MAGI1: variants seen among roughly 807,000 people sequenced by gnomAD.
MAGI1 encodes membrane-associated guanylate kinase, WW and PDZ domain-containing protein 1.
A neutral mutation model predicts 139.9 loss-of-function variants in MAGI1; 58 were observed. That is an observed-to-expected ratio of 0.41 (90% CI 0.34 to 0.52). The LOEUF (loss-of-function observed/expected upper bound fraction) is 0.52. Ranked by LOEUF, MAGI1 falls within the 20% of genes least tolerant of loss-of-function variation. The pLI is 0.12. For missense variants in MAGI1, 1,874 were observed against 1,901.6 expected, an observed-to-expected ratio of 0.99 and a Z score of 0.27; for synonymous variants, 812 against 737.9, an observed-to-expected ratio of 1.10 and a Z score of -1.63.
chr3:66,013,336 G>C (rs1017614826), intron 1 of MAGI1, among the ~76,000 whole-genome samples: 1 of 149,640 alleles, frequency 6.7e-6, no homozygotes, highest in African/African-American at 2.5e-5. Context: ...CCAGGTGGCA[G>C]AGGTTGCAGT....
intron 2 of MAGI1, among the ~76,000 whole-genome samples, chr3:65,512,317 G>A: frequency 7.1e-6 from 1 of 139,900 alleles, no homozygotes; most frequent in Non-Finnish European, 1.5e-5. Flanking sequence ...GAGCAGAACT[G>A]AAGGAAATAG....
chr3:65,445,853 G>T (rs766803421), intron 7 of MAGI1, among the ~76,000 whole-genome samples: 1 of 152,176 alleles, frequency 6.6e-6, no homozygotes, highest in African/African-American at 2.4e-5. Flanking sequence ...ATTACAAAGA[G>T]GGTTTCCTTG....
At chr3:65,991,415 C>A (rs998344164) in intron 1 of MAGI1, among the ~76,000 whole-genome samples, 9 of 151,702 alleles carry the variant, frequency 5.9e-5, no homozygotes, top group Admixed American at 2.6e-4. Context: ...CCTCCAATAC[C>A]ATTTCTGAGT....
intron 6 of MAGI1, among the ~76,000 whole-genome samples, chr3:65,451,514 A>G (rs1231044605): frequency 2.6e-5 from 4 of 152,196 alleles, no homozygotes; most frequent in African/African-American, 7.2e-5. Context: ...CAGATTGGAG[A>G]TACTTGTGTA....
intron 1 of MAGI1, among the ~76,000 whole-genome samples, chr3:65,883,932 G>T (rs766962570): frequency 2.6e-5 from 4 of 151,992 alleles, no homozygotes; most frequent in Admixed American, 6.6e-5. Flanking sequence ...TAATTCCCCA[G>T]TCTACCAAAA....
chr3:65,950,078 CAAAAAAA>C lies in MAGI1; in HGVS notation c.313+87911_313+87917del, dbSNP rs751496271. Among the ~76,000 whole-genome samples the C allele has an allele frequency of 1.5e-3, 59 of 40,342 alleles. 1 individual carries two copies. Among genetic ancestry groups the C allele is most frequent in the African/African-American group, 3.9e-3 (24 of 6,116 alleles). The allele number at this position is 40,342 out of a possible 152,430, so 26.5% of individuals were successfully genotyped here. Reference sequence around the variant, plus strand: ...AAAAAACAAAAAAACAAAAAAAAAACAAAAAAAAAAACAAACAAAAAAAAAAAACAGA... The same window carrying C: ...AAAAAACAAAAAAACAAAAAAAAAACAAAACAAACAAAAAAAAAAAACAGA... On this transcript the variant is annotated intron_variant, in intron 1 of 22. Transcript: ENST00000402939.
intron 12 of MAGI1, among the ~76,000 whole-genome samples, chr3:65,428,380 T>C (rs1375549503): frequency 6.6e-6 from 1 of 152,120 alleles, no homozygotes; most frequent in Admixed American, 6.6e-5. Flanking sequence ...TGGAAAGTAT[T>C]GCTCAGTGTG....
chr3:65,870,645 G>T (rs550196735), intron 1 of MAGI1, among the ~76,000 whole-genome samples: 2 of 149,220 alleles, frequency 1.3e-5, no homozygotes, highest in Non-Finnish European at 3.0e-5. Context: ...AGGCAGGGTG[G>T]GGGGGGTAGG....
At chr3:65,542,813 G>A (rs1281499820) in intron 2 of MAGI1, among the ~76,000 whole-genome samples, 2 of 152,078 alleles carry the variant, frequency 1.3e-5, no homozygotes, top group African/African-American at 4.8e-5. Flanking sequence ...AGAAAACCTA[G>A]GCAATATCAT....
intron 13 of MAGI1, among the ~76,000 whole-genome samples, chr3:65,397,388 A>T (rs942809857): frequency 5.3e-5 from 8 of 152,010 alleles, no homozygotes; most frequent in African/African-American, 1.9e-4. Flanking sequence ...TGGAACAAAA[A>T]CCTATCACTG....
At chr3:65,515,763 T>C (rs1043917396) in intron 2 of MAGI1, among the ~76,000 whole-genome samples, 2 of 152,220 alleles carry the variant, frequency 1.3e-5, no homozygotes. Flanking sequence ...CACTTGTCAC[T>C]TCAGGCTTCA....
intron 2 of MAGI1, among the ~76,000 whole-genome samples, chr3:65,505,226 C>G (rs980805874): frequency 6.6e-6 from 1 of 151,906 alleles, no homozygotes; most frequent in Non-Finnish European, 1.5e-5. Flanking sequence ...GAACTACTTC[C>G]AACAATTTCA....
chr3:65,877,466 G>C (rs963003208), intron 1 of MAGI1, among the ~76,000 whole-genome samples: 1 of 152,076 alleles, frequency 6.6e-6, no homozygotes, highest in Non-Finnish European at 1.5e-5. Context: ...TTCTCCACTT[G>C]TATCCACGTA....
chr3:65,788,225 C>T (rs745988711), intron 1 of MAGI1, among the ~76,000 whole-genome samples: 8 of 152,196 alleles, frequency 5.3e-5, no homozygotes, highest in African/African-American at 1.2e-4. Flanking sequence ...GAAGGTTTTT[C>T]GAATGTTTTT....
chr3:65,437,963 TCG>T, intron 9 of MAGI1, among the ~76,000 whole-genome samples: 1 of 152,184 alleles, frequency 6.6e-6, no homozygotes, highest in African/African-American at 2.4e-5. Flanking sequence ...TTATACACTG[TCG>T]ATGAGAATGT....
intron 2 of MAGI1, among the ~76,000 whole-genome samples, chr3:65,617,328 C>T (rs1320207918): frequency 6.6e-6 from 1 of 152,138 alleles, no homozygotes; most frequent in Admixed American, 6.5e-5. Flanking sequence ...ATGGGAGGGG[C>T]ATTGTACAGC....
chr3:65,434,687 A>G (rs914731448), intron 10 of MAGI1, among the ~76,000 whole-genome samples: 1 of 152,174 alleles, frequency 6.6e-6, no homozygotes, highest in African/African-American at 2.4e-5. Context: ...CAATGAGGCT[A>G]AAGTCTAGGT....
chr3:65,404,189 G>T (rs1331879452), intron 12 of MAGI1, among the ~76,000 whole-genome samples: 2 of 152,152 alleles, frequency 1.3e-5, no homozygotes, highest in Non-Finnish European at 2.9e-5. Context: ...TCTTTTTTAA[G>T]ACCAGCATTT....
chr3:65,733,368 T>A (rs996145390), intron 1 of MAGI1, among the ~76,000 whole-genome samples: 8 of 152,198 alleles, frequency 5.3e-5, no homozygotes, highest in African/African-American at 1.9e-4. Flanking sequence ...CTGTGTTTTG[T>A]GTTTTTAAAT....
Sources: allele counts gnomAD v4.1 joint callset (sites outside exome capture counted in the v4.1 genomes callset), GRCh38; gene constraint gnomAD v4.1.1; transcripts MANE v1.5; gene names NCBI Gene and HGNC (gene_info 2026-07-23, HGNC 2026-07-21).